The following CFAP221 variants were observed in gnomAD, a reference collection of about 807,000 sequenced individuals.
The protein encoded by CFAP221 is cilia and flagella associated protein 221.
In CFAP221, 97 loss-of-function variants were observed where a neutral mutation model predicts 113.1. That is an observed-to-expected ratio of 0.86 (90% CI 0.73 to 1.02). The LOEUF (loss-of-function observed/expected upper bound fraction) is 1.02. CFAP221 is among the 50% of genes least tolerant of loss of function. The pLI, the probability that CFAP221 is intolerant of heterozygous loss-of-function variation, is 0.00. For missense variants in CFAP221, 1,025 were observed against 1,013.4 expected, an observed-to-expected ratio of 1.01 and a Z score of -0.16; for synonymous variants, 331 against 354.4, an observed-to-expected ratio of 0.93 and a Z score of 0.74.
intron 11 of CFAP221, among the ~76,000 whole-genome samples, chr2:119,606,388 C>T (rs1390865739): frequency 6.6e-6 from 1 of 152,088 alleles, no homozygotes; most frequent in African/African-American, 2.4e-5. Flanking sequence ...CTTCCCGACA[C>T]ATGAGAACAC....
chr2:119,615,778 G>C, intron 14 of CFAP221, 69 bp downstream of exon 14: 1 of 1,203,370 alleles, frequency 8.3e-7, no homozygotes, highest in Non-Finnish European at 1.2e-6. Context: ...AAGCAATGGT[G>C]GTTTGATAAC....
intron 14 of CFAP221, among the ~76,000 whole-genome samples, chr2:119,622,817 AC>A (rs1161350918): frequency 6.6e-6 from 1 of 152,100 alleles, no homozygotes; most frequent in African/African-American, 2.4e-5. Context: ...AAAATTGAAC[AC>A]CCCTTCATGC....
intron 5 of CFAP221, among the ~76,000 whole-genome samples, 194 bp from the exon 6 acceptor site, chr2:119,561,820 A>T (rs1681261382): frequency 6.6e-6 from 1 of 152,250 alleles, no homozygotes; most frequent in Non-Finnish European, 1.5e-5. Context: ...TTCAATAAAG[A>T]GTACTTAAAA....
chr2:119,603,107 A>G (rs975551023), intron 8 of CFAP221, among the ~76,000 whole-genome samples: 16 of 152,210 alleles, frequency 1.1e-4, no homozygotes, highest in Non-Finnish European at 2.1e-4. Flanking sequence ...TACTGGCTGT[A>G]GTGCTCTCTG....
At chr2:119,594,211 G>A (rs910563836) in intron 7 of CFAP221, among the ~76,000 whole-genome samples, 1 of 151,864 alleles carries the variant, frequency 6.6e-6, no homozygotes, top group Admixed American at 6.6e-5. Flanking sequence ...TGAACTACTT[G>A]TGTCCTGAGG....
At chr2:119,604,637 T>G (rs1684598408) in intron 8 of CFAP221, 35 bp from the exon 9 acceptor site, 2 of 1,497,306 alleles carry the variant, frequency 1.3e-6, no homozygotes, top group Non-Finnish European at 1.8e-6. Flanking sequence ...AGTTAATGGC[T>G]TATTTACTAA....
intron 7 of CFAP221, among the ~76,000 whole-genome samples, chr2:119,599,309 G>A (rs1161321740): frequency 5.3e-5 from 8 of 152,196 alleles, no homozygotes; most frequent in African/African-American, 1.2e-4. Flanking sequence ...TCAAGGGAAC[G>A]CGAGTTCAGT....
chr2:119,563,657 T>C (rs1681419669), intron 6 of CFAP221, among the ~76,000 whole-genome samples: 1 of 152,178 alleles, frequency 6.6e-6, no homozygotes. Flanking sequence ...TTCACTCTGA[T>C]TGATTGCTGT....
Position 119,633,410 on chromosome 2 carries a change from T to C in CFAP221, c.1974+2509T>C, listed in dbSNP as rs571265576. On this transcript the variant is annotated intron_variant, in intron 19 of 23. Coordinates refer to ENST00000413369, the MANE Select transcript of CFAP221 (RefSeq NM_001271049.2). ...AGAATTTCTGTTAATGTTAAGAAAA[T>C]AAAAATATAAATTACAGACTTGGAG... is the stretch of plus-strand genomic sequence containing the variant. Among the ~76,000 whole-genome samples the C allele has an allele frequency of 3.0e-4, 46 of 151,336 alleles. No individual in the cohort carries two copies. In the South Asian group the frequency reaches 9.6e-3, roughly 32 times the overall value.
chr2:119,618,967 C>T (rs1212167335), intron 14 of CFAP221, among the ~76,000 whole-genome samples: 3 of 152,176 alleles, frequency 2.0e-5, no homozygotes, highest in African/African-American at 2.4e-5. Flanking sequence ...AACAAAGCCA[C>T]CAGCAAGTTC....
chr2:119,630,010 A>G (rs1413779446), intron 17 of CFAP221, 55 bp downstream of exon 17: 48 of 1,439,794 alleles, frequency 3.3e-5, no homozygotes, highest in Non-Finnish European at 4.5e-5. Flanking sequence ...TAAACAAAAT[A>G]TTCTTGAATT....
At chr2:119,611,774 T>C (rs1172817182) in intron 13 of CFAP221, 32 bp downstream of exon 13, 9 of 1,499,188 alleles carry the variant, frequency 6.0e-6, no homozygotes, top group Non-Finnish European at 8.3e-6. Flanking sequence ...AGAATCTGAT[T>C]ATTGGCAGCT....
At chr2:119,639,364 C>G (rs576351201) in intron 20 of CFAP221, among the ~76,000 whole-genome samples, 1 of 152,194 alleles carries the variant, frequency 6.6e-6, no homozygotes, top group Admixed American at 6.5e-5. Context: ...TCAGCCCAGC[C>G]GGGGGTCTCC....
chr2:119,627,398 T>C (rs1686386977), intron 15 of CFAP221, among the ~76,000 whole-genome samples: 1 of 152,116 alleles, frequency 6.6e-6, no homozygotes, highest in Admixed American at 6.5e-5. Flanking sequence ...TTTAATCTTT[T>C]TCTTTGCTTA....
At chr2:119,588,284 G>T (rs186890879) in intron 7 of CFAP221, among the ~76,000 whole-genome samples, 1 of 152,234 alleles carries the variant, frequency 6.6e-6, no homozygotes, top group Non-Finnish European at 1.5e-5. Flanking sequence ...ACAGGTCAGC[G>T]TGCAGGTTTA....
At chr2:119,657,801 C>T (rs1462299112), downstream of CFAP221, among the ~76,000 whole-genome samples, 3 of 152,164 alleles carry the variant, frequency 2.0e-5, no homozygotes, top group African/African-American at 7.2e-5. Flanking sequence ...GACTGGCCTT[C>T]AGAGTGTGTG....
intron 6 of CFAP221, among the ~76,000 whole-genome samples, chr2:119,564,577 A>ATACAT (rs769694443): frequency 1.3e-5 from 2 of 152,180 alleles, no homozygotes; most frequent in Non-Finnish European, 2.9e-5. Flanking sequence ...CCCCTAAATC[A>ATACAT]TACATTGTTT....
intron 22 of CFAP221, among the ~76,000 whole-genome samples, chr2:119,649,923 T>C (rs1210369649): frequency 6.6e-6 from 1 of 152,236 alleles, no homozygotes; most frequent in Non-Finnish European, 1.5e-5. Context: ...TGTTCAAAAA[T>C]GTTTTCATTC....
intron 19 of CFAP221, among the ~76,000 whole-genome samples, chr2:119,633,540 A>G (rs906975934): frequency 2.6e-5 from 4 of 152,070 alleles, no homozygotes; most frequent in Admixed American, 2.6e-4. Flanking sequence ...AAAGTGACCT[A>G]CAGAATAAAT....
Sources: allele counts gnomAD v4.1 joint callset (sites outside exome capture counted in the v4.1 genomes callset), GRCh38; gene constraint gnomAD v4.1.1; transcripts MANE v1.5; gene names NCBI Gene and HGNC (gene_info 2026-07-23, HGNC 2026-07-21).